KIAA1671: variants seen among roughly 807,000 people sequenced by gnomAD.
KIAA1671 encodes uncharacterized protein KIAA1671.
A neutral mutation model predicts 131.2 loss-of-function variants in KIAA1671; 52 were observed. That is an observed-to-expected ratio of 0.40 (90% CI 0.32 to 0.50). The LOEUF (loss-of-function observed/expected upper bound fraction) is 0.50. Among genes scored for constraint, KIAA1671 ranks in the 20% least tolerant of loss-of-function variants. The probability of loss-of-function intolerance (pLI) is 0.73; values close to 1 mark genes in which losing one functional copy is unlikely to be tolerated. For missense variants in KIAA1671, 2,360 were observed against 2,364.2 expected (o/e 1.00, Z 0.04); for synonymous variants, 1,003 against 961.6 (o/e 1.04, Z -0.80).
intron 7 of KIAA1671, among the ~76,000 whole-genome samples, chr22:25,173,113 G>GGA (rs1933905760): frequency 6.6e-6 from 1 of 152,162 alleles, no homozygotes; most frequent in African/African-American, 2.4e-5. Flanking sequence ...CCTGGCAGCA[G>GGA]GAGAGAGAGA....
intron 6 of KIAA1671, among the ~76,000 whole-genome samples, chr22:25,101,948 C>T (rs1015887912): frequency 2.6e-5 from 4 of 152,140 alleles, no homozygotes; most frequent in African/African-American, 9.7e-5. Context: ...CCAGAGGTGC[C>T]CCCTGCCCCC....
chr22:25,037,736 G>A (rs966497000), intron 4 of KIAA1671, among the ~76,000 whole-genome samples: 11 of 152,062 alleles, frequency 7.2e-5, no homozygotes, highest in Admixed American at 1.3e-4. Context: ...TATATATGCT[G>A]TATATAAATG....
chr22:24,982,758 A>G (rs1475401652), intron 1 of KIAA1671, among the ~76,000 whole-genome samples: 1 of 152,216 alleles, frequency 6.6e-6, no homozygotes, highest in Admixed American at 6.5e-5. Context: ...GGCTGGGCAC[A>G]GATCCCAGAG....
chr22:24,997,204 G>C lies in KIAA1671; in HGVS notation c.-207-28429G>C, dbSNP rs888041244. Among the ~76,000 whole-genome samples the C allele has an allele frequency of 3.3e-5, 5 of 152,292 alleles. No homozygotes were observed. The South Asian group carries it at 1.0e-3, about 32-fold the overall frequency. On this transcript the variant is annotated intron_variant, in intron 1 of 12. Coordinates refer to ENST00000358431, the MANE Select transcript of KIAA1671 (RefSeq NM_001145206.2). ...AACCAGGCATAAAACAGTGGGGTTG[G>C]TGTCACAAAGAAACAGAGAGTTCTG...
intron 11 of KIAA1671, among the ~76,000 whole-genome samples, chr22:25,187,429 A>T (rs1429674217): frequency 6.6e-6 from 1 of 152,172 alleles, no homozygotes; most frequent in African/African-American, 2.4e-5. Context: ...TCCATGTTCC[A>T]TATGAATGTT....
At chr22:24,994,075 C>T (rs530977850) in intron 1 of KIAA1671, among the ~76,000 whole-genome samples, 8 of 151,834 alleles carry the variant, frequency 5.3e-5, no homozygotes, top group African/African-American at 1.9e-4. Context: ...GAACAAAACT[C>T]CCGTCTCAGA....
intron 6 of KIAA1671, chr22:25,057,294 C>G (rs376642366): frequency 1.3e-5 from 2 of 152,312 alleles, no homozygotes; most frequent in Non-Finnish European, 2.9e-5. Context: ...AGCAGTGCCA[C>G]CTGGAGCTCC....
intron 1 of KIAA1671, among the ~76,000 whole-genome samples, chr22:25,018,718 T>C (rs943009258): frequency 1.3e-5 from 2 of 152,210 alleles, no homozygotes; most frequent in Non-Finnish European, 2.9e-5. Context: ...GTCATCCGTA[T>C]TGTAGCATAT....
Position 25,039,245 on chromosome 22 carries a change from C to T in KIAA1671, c.2115C>T (p.Tyr705=). 1 of 1,552,330 alleles carries T rather than the reference C, an allele frequency of 6.4e-7. No homozygotes were observed. Among genetic ancestry groups the T allele is most frequent in the Middle Eastern group, 1.7e-4 (1 of 5,998 alleles). Residue 705 remains tyrosine, a synonymous_variant, in exon 5 of 13, where the codon TAC becomes TAT. Coordinates refer to ENST00000358431, the MANE Select transcript of KIAA1671 (RefSeq NM_001145206.2). ...ATCACACGCCTCTCCGGGACAAATA[C>T]CCTTTGTCTGAAAACCACAATAATA... ...RPYHTPLRDK[Y]PLSENHNNNT...
In KIAA1671 at chr22:25,195,165, T is replaced by A. The variant is rs930254624; in HGVS notation, c.*2764T>A. On this transcript the variant is annotated 3_prime_UTR_variant, in exon 13 of 13. Coordinates refer to ENST00000358431, the MANE Select transcript of KIAA1671 (RefSeq NM_001145206.2). ...TGGAAAATCCTCTATATGTACAATCTCTCTCCCCCTCATTTCTCTTCCTCC... is the reference window on the plus strand; with the variant it reads ...TGGAAAATCCTCTATATGTACAATCACTCTCCCCCTCATTTCTCTTCCTCC... 6.6e-6 allele frequency: 1 copy of A among 152,080 alleles called. No individual in the cohort carries two copies. Among genetic ancestry groups the A allele is most frequent in the Non-Finnish European group, 1.5e-5 (1 of 68,012 alleles). 9.4% of individuals were successfully genotyped at this position (152,080 alleles called of 1,614,324 possible).
chr22:25,087,255 A>G (rs543126651), intron 6 of KIAA1671, among the ~76,000 whole-genome samples: 1 of 149,364 alleles, frequency 6.7e-6, no homozygotes, highest in African/African-American at 2.5e-5. Context: ...TTAGAGATTT[A>G]GTTTGGAATC....
chr22:25,190,799 T>C lies in KIAA1671; in HGVS notation c.*4+15T>C. 6.5e-7 allele frequency: 1 copy of C among 1,529,584 alleles called. No individual in the cohort carries two copies. The allele number at this position is 1,529,584 out of a possible 1,614,324, so 94.8% of individuals were successfully genotyped here. On this transcript the variant is annotated intron_variant, in intron 12 of 12. Coordinates refer to ENST00000358431, the MANE Select transcript of KIAA1671 (RefSeq NM_001145206.2). ...AGTTTGACCAGGTATGAAGGGGCTC[T>C]GTTGGGGAACCTGGGAAGAGCCCTG...
chr22:24,978,285 G>T (rs576539267), intron 1 of KIAA1671, among the ~76,000 whole-genome samples: 27 of 152,252 alleles, frequency 1.8e-4, no homozygotes, highest in African/African-American at 5.8e-4. Flanking sequence ...GTTTTATCAG[G>T]TGTTTCTGCT....
In KIAA1671 at chr22:25,041,038, C is replaced by T; in HGVS notation, c.3908C>T (p.Ala1303Val). The T allele has an allele frequency of 1.3e-6, 2 of 1,502,098 alleles. No individual in the cohort carries two copies. The highest frequency in any genetic ancestry group is 1.8e-6 in the Non-Finnish European group (2 of 1,124,314). 93.0% of individuals were successfully genotyped at this position (1,502,098 alleles called of 1,614,324 possible). ...CCCTTCTGGGCTCTGCCACCCTCGG[C>T]TCCTTCTGAAAGGTATCCAGGGGGC... The part of the protein sequence containing the change: ...SPPFWALPPS[A>V]PSERYPGGSP... The change falls in exon 5 of 13, where the codon GCT (alanine) becomes GTT (valine). Residue 1303 changes from alanine (A) to valine (V), a missense_variant. By Grantham distance (64) the Ala-to-Val change is moderately conservative (BLOSUM62 0). Around this residue, in one of 3 missense-constraint regions of KIAA1671, gnomAD observed 1,161 missense variants for 1,204.7 expected, o/e 0.96. Transcript: ENST00000358431.
At chr22:25,185,486 A>G (rs2146043336) in intron 11 of KIAA1671, 1 of 201,668 alleles carries the variant, frequency 5.0e-6, no homozygotes, top group Non-Finnish European at 1.0e-5. Context: ...TATCTTTATT[A>G]TCAGAGATCT....
At position 25,040,473 on chromosome 22, in the gene KIAA1671, T is replaced by G; in HGVS notation, c.3343T>G (p.Trp1115Gly). 3 of 1,552,000 alleles carry G rather than the reference T, an allele frequency of 1.9e-6. No individual in the cohort carries two copies. The highest frequency in any genetic ancestry group is 2.6e-6 in the Non-Finnish European group (3 of 1,147,054). The change falls in exon 5 of 13, where the codon TGG becomes GGG. Residue 1115 changes from tryptophan to glycine, a missense_variant. Physicochemically the swap from Trp to Gly is radical, Grantham distance 184 (BLOSUM62 -2). Around this residue, in one of 3 missense-constraint regions of KIAA1671, gnomAD observed 1,161 missense variants for 1,204.7 expected, o/e 0.96. Transcript: ENST00000358431. Reference sequence around the variant, plus strand: ...AGACCGTCCATCATCTCTTGGGGCCTGGAGTCTGGACCCTTTCAATGGAAG... The same window carrying G: ...AGACCGTCCATCATCTCTTGGGGCCGGGAGTCTGGACCCTTTCAATGGAAG... ...PTDRPSSLGA[W>G]SLDPFNGRII...
At chr22:24,976,116 G>A (rs1346022845) in intron 1 of KIAA1671, among the ~76,000 whole-genome samples, 1 of 152,202 alleles carries the variant, frequency 6.6e-6, no homozygotes, top group Non-Finnish European at 1.5e-5. Context: ...CGTAGCCAGC[G>A]ACTGCAGGCG....
intron 6 of KIAA1671, chr22:25,112,458 A>T: frequency 2.5e-6 from 1 of 399,020 alleles, no homozygotes; most frequent in Admixed American, 4.4e-5. Flanking sequence ...GAACCGCCAG[A>T]TATTGTAAGC....
At chr22:25,048,075 GGGA>G (rs1469548554) in intron 5 of KIAA1671, among the ~76,000 whole-genome samples, 2 of 152,228 alleles carry the variant, frequency 1.3e-5, no homozygotes, top group Non-Finnish European at 2.9e-5. Context: ...GGAGAGAATG[GGGA>G]GGAGAATGGA....
Sources: allele counts gnomAD v4.1 joint callset (sites outside exome capture counted in the v4.1 genomes callset), GRCh38; gene constraint gnomAD v4.1.1; regional missense constraint gnomAD v4.1.1; transcripts MANE v1.5; gene names NCBI Gene and HGNC (gene_info 2026-07-23, HGNC 2026-07-21).